The following CANT1 variants were observed in gnomAD, a reference collection of about 807,000 sequenced individuals.
The protein encoded by CANT1 is soluble calcium-activated nucleotidase 1.
Under a neutral mutation model 30.0 loss-of-function variants are expected in CANT1, and 26 were observed. The observed-to-expected ratio is 0.87, with a 90% CI of 0.64 to 1.20. The LOEUF is 1.20. CANT1 is among the 50% of genes most tolerant of loss of function. CANT1 has a pLI of 0.00. For synonymous variants in CANT1, 246 were observed against 251.8 expected, an observed-to-expected ratio of 0.98 and a Z score of 0.22; for missense variants, 518 against 563.0, an observed-to-expected ratio of 0.92 and a Z score of 0.81.
chr17:78,997,984 G>A lies in CANT1; in HGVS notation c.-146-21C>T. 3.6e-6 allele frequency: 1 copy of A among 278,810 alleles called. No homozygotes were observed. The highest frequency in any genetic ancestry group is 5.3e-5 in the East Asian group (1 of 18,826). 17.3% of individuals were successfully genotyped at this position (278,810 alleles called of 1,614,324 possible). A position where few individuals can be genotyped will look rare whatever the true frequency, so the allele number is the denominator to read the frequency against. On this transcript the variant is annotated intron_variant, in intron 1 of 4. Coordinates refer to ENST00000392446, the MANE Select transcript of CANT1 (RefSeq NM_001159773.2). The surrounding 1 kb of genome is among the most constrained non-coding windows in gnomAD (Gnocchi z 7.5). ...TCCCTCTAAAGAGAGAAGCGCAGGAGAGTCAGGTGGGAGGGGAAGGCTGAC... is the reference window on the plus strand; with the variant it reads ...TCCCTCTAAAGAGAGAAGCGCAGGAAAGTCAGGTGGGAGGGGAAGGCTGAC...
chr17:79,007,226 G>C (rs1352313660), intron 1 of CANT1, among the ~76,000 whole-genome samples: 1 of 152,178 alleles, frequency 6.6e-6, no homozygotes, highest in Non-Finnish European at 1.5e-5. Flanking sequence ...CTTGATTAAA[G>C]TAAAAGGAAA....
At chr17:78,999,205 G>A (rs2071153302) in intron 1 of CANT1, among the ~76,000 whole-genome samples, 1 of 151,910 alleles carries the variant, frequency 6.6e-6, no homozygotes, top group African/African-American at 2.4e-5. Context: ...CCTCCTAACA[G>A]CACAGGGGGG....
rs2071290881 is a variant in CANT1, at chr17:79,002,272, C to G, written c.-146-4309G>C. On this transcript the variant is annotated intron_variant, in intron 1 of 4. Coordinates refer to ENST00000392446, the MANE Select transcript of CANT1 (RefSeq NM_001159773.2). The surrounding 1 kb of genome is among the most constrained non-coding windows in gnomAD (Gnocchi z 4.0). ...ACACCCCTGATATAGACCATCTGGG[C>G]TCAGCCAAGGGACTTCCCTTGGCCT... 6.6e-6 allele frequency among the ~76,000 whole-genome samples: 1 copy of G among 152,202 alleles called. No individual in the cohort carries two copies. The highest frequency in any genetic ancestry group is 1.5e-5 in the Non-Finnish European group (1 of 68,040).
rs1163483539 is a variant in CANT1, at chr17:78,995,358, C to T, written c.632-137G>A. On this transcript the variant is annotated intron_variant, in intron 3 of 4. Coordinates refer to ENST00000392446, the MANE Select transcript of CANT1 (RefSeq NM_001159773.2). The surrounding 1 kb of genome is among the most constrained non-coding windows in gnomAD (Gnocchi z 5.7). ...GGCTCCACACCTGCCTCCCCTCCGGCCCGCACCTGGCTCCCGCCCAGGGCC... is the reference window on the plus strand; with the variant it reads ...GGCTCCACACCTGCCTCCCCTCCGGTCCGCACCTGGCTCCCGCCCAGGGCC... The T allele has an allele frequency of 2.1e-6, 2 of 946,176 alleles. No individual in the cohort carries two copies. Among genetic ancestry groups the T allele is most frequent in the Non-Finnish European group, 3.2e-6 (2 of 618,132 alleles). The allele number at this position is 946,176 out of a possible 1,614,324, so 58.6% of individuals were successfully genotyped here.
At position 78,993,971 on chromosome 17, in the gene CANT1, A is replaced by T; in HGVS notation, c.836-51T>A. The T allele has an allele frequency of 6.5e-7, 1 of 1,529,340 alleles. No homozygotes were observed. The highest frequency in any genetic ancestry group is 8.7e-7 in the Non-Finnish European group (1 of 1,143,894). 94.7% of individuals were successfully genotyped at this position (1,529,340 alleles called of 1,614,324 possible). A position where few individuals can be genotyped will look rare whatever the true frequency, so the allele number is the denominator to read the frequency against. Reference sequence around the variant, plus strand: ...GACACGCATGCGGCCTGGTGTGCCCAGCCCCACACCATCAGGCCGTGCGCA... The same window carrying T: ...GACACGCATGCGGCCTGGTGTGCCCTGCCCCACACCATCAGGCCGTGCGCA... On this transcript the variant is annotated intron_variant, in intron 4 of 4. Transcript: ENST00000392446. This position sits in a 1 kb window ranked among gnomAD's most constrained non-coding sequence, Gnocchi z 4.5.
intron 1 of CANT1, among the ~76,000 whole-genome samples, chr17:79,003,856 T>C (rs75227436): frequency 0.026 from 3,900 of 148,366 alleles, 77 homozygotes; most frequent in African/African-American, 0.051. Flanking sequence ...CTGCAAGGCT[T>C]GCAAGGCACC....
At position 78,996,928 on chromosome 17, in the gene CANT1, G is replaced by T; in HGVS notation, c.631+64C>A. 1 of 1,599,978 alleles carries T rather than the reference G, an allele frequency of 6.3e-7. No homozygotes were observed. The highest frequency in any genetic ancestry group is 8.5e-7 in the Non-Finnish European group (1 of 1,173,510). ...AATTCTTTACCATGTGCCTGTGTTT[G>T]CCAGCCAGGCCCTGAGCTCCCACTC... is the stretch of plus-strand genomic sequence containing the variant. On this transcript the variant is annotated intron_variant, in intron 3 of 4. Coordinates refer to ENST00000392446, the MANE Select transcript of CANT1 (RefSeq NM_001159773.2). This position sits in a 1 kb window ranked among gnomAD's most constrained non-coding sequence, Gnocchi z 5.1.
In CANT1 at chr17:78,995,175, C is replaced by T; in HGVS notation, c.678G>A (p.Val226=). 1 of 1,613,958 alleles carries T rather than the reference C, an allele frequency of 6.2e-7. No homozygotes were observed. The highest frequency in any genetic ancestry group is 1.1e-5 in the South Asian group (1 of 91,084). ...WLAVKDERLY[V]GGLGKEWTTT... ...TCGTCCACTCCTTGCCCAGGCCGCC[C>T]ACGTACAGACGCTCGTCCTTCACTG... Residue 226 remains valine, a synonymous_variant, in exon 4 of 5, where the codon GTG becomes GTA. Transcript: ENST00000392446. The surrounding 1 kb of genome is among the most constrained non-coding windows in gnomAD (Gnocchi z 5.7).
In CANT1 at chr17:78,996,152, T is replaced by C. The variant is rs919901560; in HGVS notation, c.631+840A>G. Among the ~76,000 whole-genome samples, 1 of 152,216 alleles carries C rather than the reference T, an allele frequency of 6.6e-6. No homozygotes were observed. The highest frequency in any genetic ancestry group is 1.5e-5 in the Non-Finnish European group (1 of 68,028). On this transcript the variant is annotated intron_variant, in intron 3 of 4. Transcript: ENST00000392446. This position sits in a 1 kb window ranked among gnomAD's most constrained non-coding sequence, Gnocchi z 5.1. ...GTGAGGTCCGTCCCCTGCCCAGCCC[T>C]GGGCAAACACTGAAGATTTTATCAC...
intron 1 of CANT1, among the ~76,000 whole-genome samples, chr17:79,000,773 G>C (rs1229693342): frequency 6.6e-6 from 1 of 152,190 alleles, no homozygotes; most frequent in Non-Finnish European, 1.5e-5. Context: ...TCTCCTACGG[G>C]GCATCAGCTC....
chr17:78,995,169 G>A lies in CANT1; in HGVS notation c.684C>T (p.Gly228=). The change falls in exon 4 of 5, where the codon GGC becomes GGT. Residue 228 remains glycine, a synonymous_variant. Transcript: ENST00000392446. The surrounding 1 kb of genome is among the most constrained non-coding windows in gnomAD (Gnocchi z 5.7). ...TAGTGGTCGTCCACTCCTTGCCCAG[G>A]CCGCCCACGTACAGACGCTCGTCCT... ...AVKDERLYVG[G]LGKEWTTTTG... is the part of the protein sequence containing the mutation. 4 of 1,614,066 alleles carry A rather than the reference G, an allele frequency of 2.5e-6. No individual in the cohort carries two copies. Among genetic ancestry groups the A allele is most frequent in the Non-Finnish European group, 3.4e-6 (4 of 1,180,018 alleles).
chr17:78,998,763 G>A lies in CANT1; in HGVS notation c.-146-800C>T, dbSNP rs146297472. ...GTGGGGAGACAGCTCCCGGTGCTTC[G>A]ATCGAGAACACTGGCCCTGGGCAGA... On this transcript the variant is annotated intron_variant, in intron 1 of 4. Transcript: ENST00000392446. The surrounding 1 kb of genome is among the most constrained non-coding windows in gnomAD (Gnocchi z 4.5). 7.6e-3 allele frequency among the ~76,000 whole-genome samples: 1,163 copies of A among 152,370 alleles called. 8 individuals are homozygous for A. The highest frequency in any genetic ancestry group is 0.012 in the Non-Finnish European group (808 of 68,028).
rs888064287 is a variant in CANT1, at chr17:79,002,003, C to T, written c.-146-4040G>A. 6.6e-6 allele frequency among the ~76,000 whole-genome samples: 1 copy of T among 151,988 alleles called. No individual in the cohort carries two copies. The highest frequency in any genetic ancestry group is 1.5e-5 in the Non-Finnish European group (1 of 67,992). Reference sequence around the variant, plus strand: ...CACGTGTCCCACCCAGCTTGAGACTCGCTTCCCTTCTCCCCATCCACACAG... The same window carrying T: ...CACGTGTCCCACCCAGCTTGAGACTTGCTTCCCTTCTCCCCATCCACACAG... On this transcript the variant is annotated intron_variant, in intron 1 of 4. Transcript: ENST00000392446. This position sits in a 1 kb window ranked among gnomAD's most constrained non-coding sequence, Gnocchi z 4.0.
At chr17:79,005,090 G>A (rs1204058739) in intron 1 of CANT1, among the ~76,000 whole-genome samples, 1 of 61,032 alleles carries the variant, frequency 1.6e-5, no homozygotes, top group Non-Finnish European at 2.9e-5. Context: ...AGGGAGGGGA[G>A]TTAGGGAGAG....
At position 79,002,449 on chromosome 17, in the gene CANT1, T is replaced by C. The variant is rs9899883; in HGVS notation, c.-146-4486A>G. Among the ~76,000 whole-genome samples, 2,682 of 152,270 alleles carry C rather than the reference T, an allele frequency of 0.018. 66 individuals carry two copies. The highest frequency in any genetic ancestry group is 0.061 in the African/African-American group (2,535 of 41,552). ...GGGCCAAATGCAGTCTCCCGCCTAG[T>C]GTGTAGATGCGGCCTGTGTGGCCTG... On this transcript the variant is annotated intron_variant, in intron 1 of 4. Coordinates refer to ENST00000392446, the MANE Select transcript of CANT1 (RefSeq NM_001159773.2). This position sits in a 1 kb window ranked among gnomAD's most constrained non-coding sequence, Gnocchi z 4.0.
In CANT1 at chr17:78,993,749, C is replaced by G. The variant is rs1416951561; in HGVS notation, c.1007G>C (p.Gly336Ala). ...GAAGCCGTGAGTGGGGACCACCGCC[C>G]CGACGTGGCTCACAGCGATGTCGCC... ...DFGDIAVSHV[G>A]AVVPTHGFSS... Residue 336 changes from glycine (G) to alanine (A), a missense_variant, in exon 5 of 5, where the codon GGG (glycine) becomes GCG (alanine). By Grantham distance (60) the Gly-to-Ala change is moderately conservative. This residue lies in a region of CANT1 where 221 missense variants were observed against 211.8 expected (regional missense o/e 1.04). Transcript: ENST00000392446. This position sits in a 1 kb window ranked among gnomAD's most constrained non-coding sequence, Gnocchi z 4.5. 4.3e-6 allele frequency: 7 copies of G among 1,613,670 alleles called. No individual in the cohort carries two copies. The African/African-American group carries it at 9.3e-5, about 22-fold the overall frequency.
In CANT1 at chr17:78,997,889, C is replaced by A. The variant is rs2071097148; in HGVS notation, c.-72G>T. 9.8e-6 allele frequency: 4 copies of A among 408,558 alleles called. No homozygotes were observed. Among genetic ancestry groups the A allele is most frequent in the Admixed American group, 4.0e-5 (1 of 24,790 alleles). 25.3% of individuals were successfully genotyped at this position (408,558 alleles called of 1,614,324 possible). ...TTTCCACAGCAAAATTACTCCATCT[C>A]CCCTGTCCCAGCTGGCAACGTGGGA... On this transcript the variant is annotated 5_prime_UTR_variant, in exon 2 of 5. Coordinates refer to ENST00000392446, the MANE Select transcript of CANT1 (RefSeq NM_001159773.2). This position sits in a 1 kb window ranked among gnomAD's most constrained non-coding sequence, Gnocchi z 7.5.
rs563930970 is a variant in CANT1, at chr17:79,001,182, G to A, written c.-146-3219C>T. Among the ~76,000 whole-genome samples, 12 of 152,222 alleles carry A rather than the reference G, an allele frequency of 7.9e-5. No individual in the cohort carries two copies. The South Asian group carries it at 2.3e-3, about 29-fold the overall frequency. ...CTGCTGTCAGACATCGTGAGGTGTC[G>A]TCGTCACCAGCCCCTGGAACCCCCA... is the stretch of plus-strand genomic sequence containing the variant. On this transcript the variant is annotated intron_variant, in intron 1 of 4. Coordinates refer to ENST00000392446, the MANE Select transcript of CANT1 (RefSeq NM_001159773.2).
rs564347423 is a variant in CANT1, at chr17:79,002,827, C to T, written c.-146-4864G>A. Among the ~76,000 whole-genome samples the T allele has an allele frequency of 6.6e-6, 1 of 152,360 alleles. No homozygotes were observed. The highest frequency in any genetic ancestry group is 2.4e-5 in the African/African-American group (1 of 41,592). On this transcript the variant is annotated intron_variant, in intron 1 of 4. Coordinates refer to ENST00000392446, the MANE Select transcript of CANT1 (RefSeq NM_001159773.2). The surrounding 1 kb of genome is among the most constrained non-coding windows in gnomAD (Gnocchi z 4.0). ...AAACGTCTCAGCCTGCAGAGAAAGC[C>T]TCAGTGGGTTTTTCCCCCTGCACTC... is the stretch of plus-strand genomic sequence containing the variant.
Sources: gnomAD v4.1 joint callset for allele counts (sites outside exome capture counted in the v4.1 genomes callset) on GRCh38, gnomAD v4.1.1 for gene constraint, gnomAD v4.1.1 regional missense constraint, Gnocchi (gnomAD v3.1) non-coding constraint, MANE v1.5 for transcripts, NCBI Gene and HGNC (gene_info 2026-07-23, HGNC 2026-07-21) for gene names.